Variants in ELF2 observed in about 807,000 individuals in gnomAD.
The protein encoded by ELF2 is ETS-related transcription factor Elf-2.
A neutral mutation model predicts 54.8 loss-of-function variants in ELF2; 11 were observed. That is an observed-to-expected ratio of 0.20 (90% CI 0.13 to 0.33). The LOEUF (loss-of-function observed/expected upper bound fraction) is 0.33. Ranked by LOEUF, ELF2 falls within the 10% of genes least tolerant of loss-of-function variation. ELF2 has a pLI of 1.00. For synonymous variants in ELF2, 203 were observed against 245.1 expected, an observed-to-expected ratio of 0.83 and a Z score of 1.61; for missense variants, 513 against 703.0, an observed-to-expected ratio of 0.73 and a Z score of 3.06.
chr4:139,120,024 T>G (rs1229754281), intron 4 of ELF2, among the ~76,000 whole-genome samples: 5 of 152,194 alleles, frequency 3.3e-5, no homozygotes, highest in Non-Finnish European at 7.3e-5. Context: ...TCCGCCTGCC[T>G]TGGCCTCCCA....
chr4:139,086,955 A>G (rs1202826453), intron 4 of ELF2, among the ~76,000 whole-genome samples: 4 of 152,170 alleles, frequency 2.6e-5, no homozygotes, highest in Non-Finnish European at 5.9e-5. Context: ...TCCTTTTAGG[A>G]GTTAGGAGGA....
At chr4:139,076,970 A>G (rs1040219833) in intron 4 of ELF2, among the ~76,000 whole-genome samples, 11 of 152,210 alleles carry the variant, frequency 7.2e-5, no homozygotes, top group Admixed American at 3.9e-4. Context: ...ATGACAACAT[A>G]AAATATGCAT....
rs147448498 is a variant in ELF2, at chr4:139,067,247, C to T, written c.613+437G>A. Reference sequence around the variant, plus strand: ...TCAAGGCTGCAATGTGCCATGATCACACCACCACACACCAGCCTGGGCAAC... The same window carrying T: ...TCAAGGCTGCAATGTGCCATGATCATACCACCACACACCAGCCTGGGCAAC... On this transcript the variant is annotated intron_variant, in intron 7 of 9. Transcript: ENST00000686138. 370 of 155,782 alleles carry T rather than the reference C, an allele frequency of 2.4e-3. 1 individual carries two copies. Among genetic ancestry groups the T allele is most frequent in the African/African-American group, 7.7e-3 (322 of 41,596 alleles). 9.6% of individuals were successfully genotyped at this position (155,782 alleles called of 1,614,324 possible).
At chr4:139,092,414 T>TAACATA (rs70940488) in intron 4 of ELF2, among the ~76,000 whole-genome samples, 6,469 of 87,424 alleles carry the variant, frequency 0.074, 465 homozygotes, top group African/African-American at 0.09. Flanking sequence ...TAACATAACA[T>TAACATA]ACATAACATA....
chr4:139,151,070 AAG>A (rs1249429461), intron 1 of ELF2, among the ~76,000 whole-genome samples: 1 of 141,260 alleles, frequency 7.1e-6, no homozygotes. Flanking sequence ...GAAAGAAAGA[AAG>A]AAAGAAAGAA....
intron 7 of ELF2, among the ~76,000 whole-genome samples, chr4:139,065,002 T>C (rs1365379602): frequency 2.0e-5 from 3 of 152,230 alleles, no homozygotes; most frequent in South Asian, 4.1e-4. Flanking sequence ...AAACAAACCA[T>C]GTATAATCTT....
At chr4:139,158,150 G>A (rs185306763) in intron 1 of ELF2, among the ~76,000 whole-genome samples, 1 of 152,274 alleles carries the variant, frequency 6.6e-6, no homozygotes, top group Admixed American at 6.5e-5. Context: ...AAAGGCGGTA[G>A]TTCTCTGGCG....
intron 1 of ELF2, among the ~76,000 whole-genome samples, chr4:139,168,759 G>A (rs2148913145): frequency 6.6e-6 from 1 of 152,130 alleles, no homozygotes; most frequent in African/African-American, 2.4e-5. Flanking sequence ...TTAGAGACAG[G>A]GTCTCACCAT....
intron 1 of ELF2, among the ~76,000 whole-genome samples, chr4:139,143,191 C>T: frequency 6.6e-6 from 1 of 152,182 alleles, no homozygotes; most frequent in East Asian, 1.9e-4. Flanking sequence ...TACCACCCAT[C>T]CCCCAACTCG....
intron 6 of ELF2, among the ~76,000 whole-genome samples, chr4:139,071,189 T>C (rs969212480): frequency 6.6e-6 from 1 of 152,062 alleles, no homozygotes; most frequent in African/African-American, 2.4e-5. Flanking sequence ...TCAGCAATCT[T>C]AGTGTTTCAA....
intron 1 of ELF2, among the ~76,000 whole-genome samples, chr4:139,166,653 G>A (rs756335818): frequency 2.5e-4 from 38 of 152,256 alleles, no homozygotes; most frequent in Admixed American, 4.6e-4. Context: ...CGGATCACAA[G>A]GTCAGGAGAT....
chr4:139,076,391 C>T (rs1367965593), intron 4 of ELF2, among the ~76,000 whole-genome samples: 1 of 151,940 alleles, frequency 6.6e-6, no homozygotes, highest in Non-Finnish European at 1.5e-5. Flanking sequence ...TATTATCATT[C>T]TCAATTATTG....
chr4:139,112,980 CTT>C, intron 4 of ELF2, among the ~76,000 whole-genome samples: 1 of 152,274 alleles, frequency 6.6e-6, no homozygotes, highest in Non-Finnish European at 1.5e-5. Context: ...AAACAAATAT[CTT>C]TTAATGATCT....
At chr4:139,063,866 A>G (rs567906599) in intron 7 of ELF2, among the ~76,000 whole-genome samples, 1 of 152,216 alleles carries the variant, frequency 6.6e-6, no homozygotes, top group Admixed American at 6.5e-5. Context: ...AAAAAAAAAA[A>G]ACTTAATCCC....
intron 4 of ELF2, 142 bp from the exon 5 acceptor site, chr4:139,073,709 T>C (rs17050688): frequency 0.24 from 97,726 of 411,300 alleles, 14,014 homozygotes; most frequent in East Asian, 0.49. Context: ...CTCTAAGCCA[T>C]TGATATCTAT....
intron 5 of ELF2, 29 bp from the exon 6 acceptor site, chr4:139,072,068 T>G: frequency 1.2e-6 from 2 of 1,602,674 alleles, no homozygotes; most frequent in African/African-American, 1.3e-5. Context: ...AAATTAAAAT[T>G]TCCCACCCCC....
At chr4:139,165,025 C>T (rs1407314928) in intron 1 of ELF2, among the ~76,000 whole-genome samples, 1 of 152,192 alleles carries the variant, frequency 6.6e-6, no homozygotes, top group African/African-American at 2.4e-5. Flanking sequence ...AATGGGTTTC[C>T]CATTAGCAGA....
intron 4 of ELF2, among the ~76,000 whole-genome samples, chr4:139,119,192 T>A (rs1397746372): frequency 2.0e-5 from 3 of 152,256 alleles, no homozygotes; most frequent in Admixed American, 2.0e-4. Flanking sequence ...AGAATTTACG[T>A]ATCTCCTTCC....
intron 4 of ELF2, among the ~76,000 whole-genome samples, chr4:139,091,123 C>T (rs961080170): frequency 1.3e-5 from 2 of 152,054 alleles, no homozygotes; most frequent in African/African-American, 4.8e-5. Flanking sequence ...CTAGTAGAGA[C>T]AGGTTTTCAC....
Sources: allele counts gnomAD v4.1 joint callset (sites outside exome capture counted in the v4.1 genomes callset), GRCh38; gene constraint gnomAD v4.1.1; transcripts MANE v1.5; gene names NCBI Gene and HGNC (gene_info 2026-07-23, HGNC 2026-07-21).